LY75: variants seen among roughly 807,000 people sequenced by gnomAD.
The protein encoded by LY75 is C-type lectin domain family 13 member B.
Under a neutral mutation model 231.7 loss-of-function variants are expected in LY75, and 185 were observed. The ratio of observed to expected loss-of-function variants is 0.80; its 90% CI spans 0.71 to 0.90. The LOEUF (loss-of-function observed/expected upper bound fraction) is 0.90. LY75 is among the 40% of genes least tolerant of loss of function. The probability of loss-of-function intolerance (pLI) is 0.00; values close to 1 mark genes in which losing one functional copy is unlikely to be tolerated. For synonymous variants in LY75, 668 were observed against 689.0 expected, an observed-to-expected ratio of 0.97 and a Z score of 0.48; for missense variants, 1,947 against 2,050.2, an observed-to-expected ratio of 0.95 and a Z score of 0.97.
At chr2:159,860,343 C>T (rs1684667745) in intron 15 of LY75, among the ~76,000 whole-genome samples, 1 of 152,200 alleles carries the variant, frequency 6.6e-6, no homozygotes, top group African/African-American at 2.4e-5. Context: ...TTTCCTAATA[C>T]TGTTATCAAG....
At position 159,897,911 on chromosome 2, in the gene LY75, C is replaced by T. The variant is rs181292726; in HGVS notation, c.466+777G>A. On this transcript the variant is annotated intron_variant, in intron 2 of 34. Coordinates refer to ENST00000263636, the MANE Select transcript of LY75 (RefSeq NM_002349.4). Reference sequence around the variant, plus strand: ...AGGGCTAAGTCCATGGTCCGCTCCCCGCAAGGCAATATTAATATACTTATT... The same window carrying T: ...AGGGCTAAGTCCATGGTCCGCTCCCTGCAAGGCAATATTAATATACTTATT... 7.3e-3 allele frequency among the ~76,000 whole-genome samples: 1,105 copies of T among 152,180 alleles called. 9 individuals are homozygous for T. The highest frequency in any genetic ancestry group is 0.011 in the Admixed American group (166 of 15,292).
At chr2:159,850,258 AAAGAAGTTTAAT>A in intron 22 of LY75, 92 bp downstream of exon 22, 1 of 1,511,652 alleles carries the variant, frequency 6.6e-7, no homozygotes, top group Non-Finnish European at 8.8e-7. Context: ...TTCCATAACA[AAAGAAGTTTAAT>A]AAGAATTTTT....
chr2:159,860,217 A>G (rs898533065), intron 15 of LY75, among the ~76,000 whole-genome samples: 4 of 152,166 alleles, frequency 2.6e-5, no homozygotes, highest in Admixed American at 6.6e-5. Context: ...CTGTCTCAAG[A>G]TGAATCTTCC....
chr2:159,894,468 T>A (rs1685852559), intron 2 of LY75, among the ~76,000 whole-genome samples: 1 of 152,258 alleles, frequency 6.6e-6, no homozygotes, highest in Admixed American at 6.5e-5. Context: ...GTGCCCTGGC[T>A]GAGGTTACAT....
At chr2:159,886,039 G>A (rs1574593169) in intron 5 of LY75, among the ~76,000 whole-genome samples, 1 of 152,268 alleles carries the variant, frequency 6.6e-6, no homozygotes, top group Middle Eastern at 3.4e-3. Flanking sequence ...GACCCCAAGA[G>A]TTTGAAAACG....
chr2:159,886,587 A>G, intron 4 of LY75, 57 bp from the exon 5 acceptor site: 1 of 1,499,972 alleles, frequency 6.7e-7, no homozygotes. Context: ...TATTATCTAA[A>G]TTAGACTTAT....
intron 3 of LY75, among the ~76,000 whole-genome samples, chr2:159,893,225 G>C (rs1237642479): frequency 2.0e-5 from 3 of 152,072 alleles, no homozygotes; most frequent in Non-Finnish European, 2.9e-5. Context: ...AGTTCCCTCT[G>C]TTTCAATGCT....
chr2:159,819,689 T>C, intron 29 of LY75, 37 bp downstream of exon 29: 1 of 1,561,588 alleles, frequency 6.4e-7, no homozygotes, highest in South Asian at 1.2e-5. Context: ...ATTCTTTCCC[T>C]GGAGTGAAAG....
chr2:159,819,823 T>G lies in LY75; in HGVS notation c.4056A>C (p.Leu1352Phe). 6.2e-7 allele frequency: 1 copy of G among 1,614,140 alleles called. No individual in the cohort carries two copies. Among genetic ancestry groups the G allele is most frequent in the Non-Finnish European group, 8.5e-7 (1 of 1,179,998 alleles). The change falls in exon 29 of 35, where the codon TTA becomes TTC. Residue 1352 changes from leucine to phenylalanine, a missense_variant. Coordinates refer to ENST00000263636, the MANE Select transcript of LY75 (RefSeq NM_002349.4). ...TIKNEKFLAG[L>F]STDGFWDIQT... ...GAATATCCCAGAAGCCGTCAGTACT[T>G]AAACCAGCCAAAAACTTCTCATTTT...
intron 4 of LY75, among the ~76,000 whole-genome samples, chr2:159,887,044 A>G (rs1369467182): frequency 1.3e-5 from 2 of 151,300 alleles, no homozygotes; most frequent in Non-Finnish European, 2.9e-5. Flanking sequence ...GGATCCCCAT[A>G]TGATCAAGTT....
chr2:159,842,200 TGTA>T, intron 24 of LY75, 42 bp downstream of exon 24: 2 of 1,584,358 alleles, frequency 1.3e-6, no homozygotes, highest in African/African-American at 1.4e-5. Context: ...TATATATATA[TGTA>T]ATAGCATAAA....
intron 1 of LY75, 79 bp downstream of exon 1, chr2:159,904,510 C>T (rs1686179589): frequency 7.1e-7 from 1 of 1,405,254 alleles, no homozygotes; most frequent in Admixed American, 2.8e-5. Context: ...GGGGCGCAGC[C>T]CTGCCCCAGG....
At chr2:159,848,087 T>TAG (rs779996304) in intron 23 of LY75, among the ~76,000 whole-genome samples, 1 of 103,404 alleles carries the variant, frequency 9.7e-6, no homozygotes, top group South Asian at 2.8e-4. Flanking sequence ...TATATATATA[T>TAG]ATATATACAC....
intron 20 of LY75, 57 bp from the exon 21 acceptor site, chr2:159,852,397 T>C: frequency 6.4e-7 from 1 of 1,560,058 alleles, no homozygotes; most frequent in East Asian, 2.3e-5. Flanking sequence ...AGTACATTTT[T>C]ATTTTGTTTT....
intron 2 of LY75, among the ~76,000 whole-genome samples, chr2:159,897,728 A>T (rs1363690399): frequency 6.6e-6 from 1 of 152,258 alleles, no homozygotes; most frequent in Non-Finnish European, 1.5e-5. Flanking sequence ...AATAGGACTT[A>T]GAGGACATAA....
chr2:159,854,538 AAAG>A lies in LY75; in HGVS notation c.2420-6_2420-4del, dbSNP rs753317327. On this transcript the variant is annotated splice_region_variant and splice_polypyrimidine_tract_variant and intron_variant, in intron 17 of 34. Transcript: ENST00000263636. ...AGGTCCATGAATTCCAGCACGGTCT[AAAG>A]AAGAAGAAGAAAAAGATTAGAATTA... 102 of 1,591,202 alleles carry A rather than the reference AAAG, an allele frequency of 6.4e-5. No homozygotes were observed. The highest frequency in any genetic ancestry group is 1.7e-4 in the Middle Eastern group (1 of 5,950).
intron 3 of LY75, 94 bp downstream of exon 3, chr2:159,893,820 A>G (rs983472857): frequency 7.0e-7 from 1 of 1,427,858 alleles, no homozygotes; most frequent in Non-Finnish European, 9.3e-7. Flanking sequence ...ATATTTTTGC[A>G]GTCACTTTTG....
intron 32 of LY75, among the ~76,000 whole-genome samples, 170 bp from the exon 33 acceptor site, chr2:159,808,741 T>A (rs976841178): frequency 6.6e-6 from 1 of 152,204 alleles, no homozygotes; most frequent in Non-Finnish European, 1.5e-5. Context: ...ATTTTATAAG[T>A]ACTTCAAAAA....
At chr2:159,816,723 T>G in intron 30 of LY75, 83 bp downstream of exon 30, 1 of 1,559,412 alleles carries the variant, frequency 6.4e-7, no homozygotes, top group East Asian at 2.3e-5. Context: ...AATGTTGTAC[T>G]TTGTGTTAAT....
Sources: allele counts gnomAD v4.1 joint callset (sites outside exome capture counted in the v4.1 genomes callset), GRCh38; gene constraint gnomAD v4.1.1; transcripts MANE v1.5; gene names NCBI Gene and HGNC (gene_info 2026-07-23, HGNC 2026-07-21).